TMPRSS15: variants seen among roughly 807,000 people sequenced by gnomAD.
The protein encoded by TMPRSS15 is enteropeptidase.
In TMPRSS15, 128 loss-of-function variants were observed where a neutral mutation model predicts 125.3. The ratio of observed to expected loss-of-function variants is 1.02; its 90% CI spans 0.89 to 1.18. The LOEUF (loss-of-function observed/expected upper bound fraction) is 1.18. Among genes scored for constraint, TMPRSS15 ranks in the 50% most tolerant of loss-of-function variants. The probability of loss-of-function intolerance (pLI) is 0.00; values close to 1 mark genes in which losing one functional copy is unlikely to be tolerated. For synonymous variants in TMPRSS15, 446 were observed against 423.2 expected (o/e 1.05, Z -0.66); for missense variants, 1,283 against 1,212.7 (o/e 1.06, Z -0.86).
intron 3 of TMPRSS15, among the ~76,000 whole-genome samples, chr21:18,385,496 A>G (rs2075935191): frequency 6.6e-6 from 1 of 152,042 alleles, no homozygotes; most frequent in African/African-American, 2.4e-5. Context: ...CTTCTGGAAA[A>G]CTTTTTTATA....
chr21:18,328,835 G>A (rs1419459578), intron 15 of TMPRSS15, among the ~76,000 whole-genome samples: 1 of 152,106 alleles, frequency 6.6e-6, no homozygotes, highest in East Asian at 1.9e-4. Context: ...TATTCACACT[G>A]ATGTGATTAT....
intron 13 of TMPRSS15, among the ~76,000 whole-genome samples, 168 bp from the exon 14 acceptor site, chr21:18,332,341 C>CTA (rs2075353847): frequency 6.6e-6 from 1 of 152,070 alleles, no homozygotes; most frequent in Non-Finnish European, 1.5e-5. Flanking sequence ...AGGAAAAATA[C>CTA]AGTTAAGTAG....
intron 22 of TMPRSS15, among the ~76,000 whole-genome samples, chr21:18,280,593 A>AAAAAAAAAAAAAAAAAAC (rs1267521488): frequency 7.7e-5 from 11 of 143,586 alleles, no homozygotes; most frequent in African/African-American, 2.8e-4. Flanking sequence ...AAAAAAAAAA[A>AAAAAAAAAAAAAAAAAAC]AACAACAAAA....
intron 24 of TMPRSS15, among the ~76,000 whole-genome samples, chr21:18,272,362 C>CTGA (rs1486234384): frequency 1.3e-5 from 2 of 151,880 alleles, no homozygotes; most frequent in African/African-American, 4.8e-5. Flanking sequence ...CCTTAATTTT[C>CTGA]TGATTTGTTC....
chr21:18,377,054 C>T (rs547235608), intron 5 of TMPRSS15, among the ~76,000 whole-genome samples: 2 of 152,170 alleles, frequency 1.3e-5, no homozygotes, highest in South Asian at 2.1e-4. Context: ...TTAATTGCCT[C>T]GTTCCCTTCT....
At chr21:18,331,251 G>A (rs996666016) in intron 14 of TMPRSS15, among the ~76,000 whole-genome samples, 1 of 152,090 alleles carries the variant, frequency 6.6e-6, no homozygotes, top group African/African-American at 2.4e-5. Context: ...ATCTGAAGGA[G>A]CAAGGTTGGC....
intron 15 of TMPRSS15, among the ~76,000 whole-genome samples, chr21:18,327,872 T>C (rs2075308365): frequency 1.3e-5 from 2 of 152,034 alleles, no homozygotes; most frequent in African/African-American, 4.8e-5. Flanking sequence ...GCCAACATGG[T>C]GAAACCCCGT....
At chr21:18,339,712 G>A (rs914119679) in intron 13 of TMPRSS15, among the ~76,000 whole-genome samples, 2 of 152,096 alleles carry the variant, frequency 1.3e-5, no homozygotes, top group African/African-American at 4.8e-5. Context: ...AAAAACAAGT[G>A]TAGTGAAAAA....
intron 21 of TMPRSS15, among the ~76,000 whole-genome samples, chr21:18,291,752 G>GA (rs11342942): frequency 7.3e-5 from 11 of 151,656 alleles, no homozygotes; most frequent in Non-Finnish European, 1.0e-4. Flanking sequence ...AGGCATTAGA[G>GA]AAAAAAAAAA....
At chr21:18,357,694 C>A (rs1445956648) in intron 8 of TMPRSS15, among the ~76,000 whole-genome samples, 1 of 151,666 alleles carries the variant, frequency 6.6e-6, no homozygotes, top group East Asian at 1.9e-4. Flanking sequence ...TATTACCATA[C>A]AAATTAACTT....
intron 21 of TMPRSS15, among the ~76,000 whole-genome samples, chr21:18,285,347 TG>T (rs1392099032): frequency 2.6e-5 from 4 of 152,262 alleles, no homozygotes; most frequent in Admixed American, 2.6e-4. Flanking sequence ...AAAGCAAATA[TG>T]GTAAGACAGC....
At chr21:18,333,665 GC>G (rs753715143) in intron 13 of TMPRSS15, among the ~76,000 whole-genome samples, 1 of 152,036 alleles carries the variant, frequency 6.6e-6, no homozygotes, top group Non-Finnish European at 1.5e-5. Flanking sequence ...CTTAATCAAT[GC>G]CCCGATCTGG....
chr21:18,337,736 G>T (rs530298502), intron 13 of TMPRSS15, among the ~76,000 whole-genome samples: 2 of 152,046 alleles, frequency 1.3e-5, no homozygotes, highest in Non-Finnish European at 2.9e-5. Flanking sequence ...TGCTCTATAC[G>T]AACCCAAAGA....
rs115695241 is a variant in TMPRSS15, at chr21:18,397,333, A to G, written c.344+546T>C. Among the ~76,000 whole-genome samples the G allele has an allele frequency of 3.9e-3, 588 of 152,324 alleles. 7 individuals are homozygous for G. Among genetic ancestry groups the G allele is most frequent in the African/African-American group, 0.013 (546 of 41,580 alleles). On this transcript the variant is annotated intron_variant, in intron 3 of 24. Coordinates refer to ENST00000284885, the MANE Select transcript of TMPRSS15 (RefSeq NM_002772.3). ...AATTGTTTAGAAAATAGATCTTACAATAGAAATAAGAAAATAGTTCTTACA... is the reference window on the plus strand; with the variant it reads ...AATTGTTTAGAAAATAGATCTTACAGTAGAAATAAGAAAATAGTTCTTACA...
chr21:18,369,363 C>T (rs2075769919), intron 6 of TMPRSS15, among the ~76,000 whole-genome samples: 1 of 152,188 alleles, frequency 6.6e-6, no homozygotes, highest in Non-Finnish European at 1.5e-5. Context: ...TATGAGAACA[C>T]TTGCCAACTT....
intron 13 of TMPRSS15, among the ~76,000 whole-genome samples, chr21:18,337,506 A>G (rs927327687): frequency 3.3e-5 from 5 of 152,188 alleles, no homozygotes; most frequent in African/African-American, 1.2e-4. Context: ...ACTCAGCGCA[A>G]TCCCCACATT....
At chr21:18,442,213 A>C (rs2123235809) in intron 1 of TMPRSS15, among the ~76,000 whole-genome samples, 1 of 152,302 alleles carries the variant, frequency 6.6e-6, no homozygotes, top group Non-Finnish European at 1.5e-5. Context: ...ATTTAAAAAT[A>C]TCCTGTATTT....
intron 15 of TMPRSS15, among the ~76,000 whole-genome samples, chr21:18,328,308 C>G (rs1199424378): frequency 6.6e-6 from 1 of 151,976 alleles, no homozygotes; most frequent in Non-Finnish European, 1.5e-5. Flanking sequence ...TTCTCAGGTA[C>G]CTACACAGAA....
intron 6 of TMPRSS15, among the ~76,000 whole-genome samples, chr21:18,367,571 C>T (rs773491553): frequency 7.9e-5 from 12 of 152,082 alleles, no homozygotes; most frequent in Admixed American, 2.0e-4. Context: ...ATAACATGGA[C>T]TCAAAGATTG....
Sources: allele counts gnomAD v4.1 joint callset (sites outside exome capture counted in the v4.1 genomes callset), GRCh38; gene constraint gnomAD v4.1.1; transcripts MANE v1.5; gene names NCBI Gene and HGNC (gene_info 2026-07-23, HGNC 2026-07-21).